Variants in MAP3K5 observed in about 807,000 individuals in gnomAD.
MAP3K5 encodes mitogen-activated protein kinase kinase kinase 5, also known as ASK-1.
Under a neutral mutation model 158.7 loss-of-function variants are expected in MAP3K5, and 56 were observed. That is an observed-to-expected ratio of 0.35 (90% CI 0.28 to 0.44). MAP3K5 has a LOEUF of 0.44. Ranked by LOEUF, MAP3K5 falls within the 20% of genes least tolerant of loss-of-function variation. The pLI is 1.00. For missense variants in MAP3K5, 1,294 were observed against 1,674.8 expected (o/e 0.77, Z 3.97); for synonymous variants, 579 against 601.7 (o/e 0.96, Z 0.55).
intron 1 of MAP3K5, among the ~76,000 whole-genome samples, chr6:136,785,353 A>G (rs1328532256): frequency 6.6e-6 from 1 of 152,244 alleles, no homozygotes; most frequent in Non-Finnish European, 1.5e-5. Flanking sequence ...AGAATAGAAA[A>G]GCTAAGTTCT....
At chr6:136,711,488 A>C (rs952515512) in intron 2 of MAP3K5, among the ~76,000 whole-genome samples, 3 of 152,064 alleles carry the variant, frequency 2.0e-5, no homozygotes, top group Non-Finnish European at 4.4e-5. Context: ...AACACGGCAA[A>C]ACCCCATCTC....
chr6:136,648,012 T>C (rs1394411284), intron 11 of MAP3K5: 3 of 152,160 alleles, frequency 2.0e-5, no homozygotes, highest in Non-Finnish European at 2.9e-5. Context: ...TTAACACAAT[T>C]AAAATGACAT....
intron 15 of MAP3K5, among the ~76,000 whole-genome samples, chr6:136,622,361 GT>G (rs1229976798): frequency 2.6e-5 from 4 of 152,134 alleles, no homozygotes; most frequent in Admixed American, 6.5e-5. Context: ...TGCTCAGTAA[GT>G]TATGAGTCTC....
chr6:136,599,505 T>C (rs1031463074), intron 21 of MAP3K5, among the ~76,000 whole-genome samples: 2 of 151,342 alleles, frequency 1.3e-5, no homozygotes, highest in African/African-American at 4.9e-5. Flanking sequence ...CTCTCTCTCA[T>C]ATATGCACGC....
intron 1 of MAP3K5, among the ~76,000 whole-genome samples, chr6:136,789,687 T>A (rs1384845788): frequency 6.9e-6 from 1 of 145,070 alleles, no homozygotes; most frequent in East Asian, 2.0e-4. Context: ...TTTTTTTTTT[T>A]TTTTTTTTTT....
chr6:136,587,525 G>T (rs1004152696), intron 23 of MAP3K5, among the ~76,000 whole-genome samples: 5 of 152,160 alleles, frequency 3.3e-5, no homozygotes, highest in African/African-American at 1.2e-4. Context: ...TTAAGTGATG[G>T]AACCAGGCCT....
chr6:136,583,223 T>C (rs1427567606), intron 24 of MAP3K5, among the ~76,000 whole-genome samples: 2 of 152,194 alleles, frequency 1.3e-5, no homozygotes, highest in African/African-American at 2.4e-5. Context: ...CATTAGAAAA[T>C]GTATGACTAA....
At chr6:136,653,582 C>T (rs1234836436) in intron 10 of MAP3K5, among the ~76,000 whole-genome samples, 1 of 152,124 alleles carries the variant, frequency 6.6e-6, no homozygotes, top group Non-Finnish European at 1.5e-5. Flanking sequence ...TGGCAAATTC[C>T]GGAAGTGGTT....
chr6:136,732,039 G>A (rs7761520), intron 1 of MAP3K5, among the ~76,000 whole-genome samples: 1 of 151,900 alleles, frequency 6.6e-6, no homozygotes, highest in Non-Finnish European at 1.5e-5. Flanking sequence ...TAATGGAGGC[G>A]ATCTCTGTAT....
intron 19 of MAP3K5, among the ~76,000 whole-genome samples, chr6:136,602,632 AGTAGC>A (rs1775928763): frequency 6.6e-6 from 1 of 152,214 alleles, no homozygotes; most frequent in African/African-American, 2.4e-5. Context: ...CGTTGCTCAC[AGTAGC>A]TAAGTGCTGG....
rs560927571 is a variant in MAP3K5, at chr6:136,643,323, T to C, written c.1789-754A>G. 7.1e-5 allele frequency among the ~76,000 whole-genome samples: 9 copies of C among 126,996 alleles called. No individual in the cohort carries two copies. In the East Asian group the frequency reaches 2.4e-3, roughly 34 times the overall value. The allele number at this position is 126,996 out of a possible 152,430, so 83.3% of individuals were successfully genotyped here. Reference sequence around the variant, plus strand: ...AAATGGATCATAATCCCTTTAAAAATATGTCAACAGTATAAAATAGCATAA... The same window carrying C: ...AAATGGATCATAATCCCTTTAAAAACATGTCAACAGTATAAAATAGCATAA... On this transcript the variant is annotated intron_variant, in intron 11 of 29. Coordinates refer to ENST00000359015, the MANE Select transcript of MAP3K5 (RefSeq NM_005923.4).
At chr6:136,725,265 T>C (rs1781918253) in intron 1 of MAP3K5, among the ~76,000 whole-genome samples, 1 of 152,184 alleles carries the variant, frequency 6.6e-6, no homozygotes, top group East Asian at 1.9e-4. Context: ...TTTACCTTAA[T>C]AAGAAAATGC....
chr6:136,760,147 G>C (rs936852584), intron 1 of MAP3K5, among the ~76,000 whole-genome samples: 8 of 152,168 alleles, frequency 5.3e-5, no homozygotes, highest in African/African-American at 1.9e-4. Context: ...GAGTGATAGA[G>C]TATTTTTTAA....
At chr6:136,786,104 T>C (rs1784833788) in intron 1 of MAP3K5, among the ~76,000 whole-genome samples, 2 of 152,178 alleles carry the variant, frequency 1.3e-5, no homozygotes, top group Admixed American at 6.5e-5. Flanking sequence ...CTGGGCGCGG[T>C]GGCTCACGCC....
intron 21 of MAP3K5, among the ~76,000 whole-genome samples, chr6:136,596,791 C>T (rs2129083476): frequency 6.6e-6 from 1 of 152,290 alleles, no homozygotes; most frequent in East Asian, 1.9e-4. Flanking sequence ...AGATTTCTAC[C>T]TTCTTAAGTT....
At chr6:136,591,150 C>T (rs1007646129) in intron 23 of MAP3K5, among the ~76,000 whole-genome samples, 1 of 152,242 alleles carries the variant, frequency 6.6e-6, no homozygotes, top group Non-Finnish European at 1.5e-5. Flanking sequence ...GATTGTGAGG[C>T]CTCCCCAGCC....
intron 1 of MAP3K5, among the ~76,000 whole-genome samples, chr6:136,731,512 C>T (rs986409241): frequency 1.3e-5 from 2 of 152,152 alleles, no homozygotes; most frequent in Non-Finnish European, 2.9e-5. Flanking sequence ...TACAAGGACA[C>T]TTGTGATGGC....
At chr6:136,686,857 T>C (rs1780171575) in intron 7 of MAP3K5, among the ~76,000 whole-genome samples, 2 of 152,208 alleles carry the variant, frequency 1.3e-5, no homozygotes, top group Admixed American at 6.5e-5. Context: ...CCCAAAGTAA[T>C]TTATAGATTC....
chr6:136,698,101 T>C (rs1325403565), intron 4 of MAP3K5, among the ~76,000 whole-genome samples: 1 of 152,242 alleles, frequency 6.6e-6, no homozygotes, highest in Non-Finnish European at 1.5e-5. Context: ...CAGCCTATCA[T>C]TTATTAACAT....
Sources: allele counts gnomAD v4.1 joint callset (sites outside exome capture counted in the v4.1 genomes callset), GRCh38; gene constraint gnomAD v4.1.1; transcripts MANE v1.5; gene names NCBI Gene and HGNC (gene_info 2026-07-23, HGNC 2026-07-21).